The following AGBL1 variants were observed in gnomAD, a reference collection of about 807,000 sequenced individuals.
The protein encoded by AGBL1 is cytosolic carboxypeptidase 4.
Under a neutral mutation model 118.9 loss-of-function variants are expected in AGBL1, and 130 were observed. The ratio of observed to expected loss-of-function variants is 1.09; its 90% CI spans 0.95 to 1.26. The LOEUF (loss-of-function observed/expected upper bound fraction) is 1.26. Among genes scored for constraint, AGBL1 ranks in the 50% most tolerant of loss-of-function variants. The pLI, the probability that AGBL1 is intolerant of heterozygous loss-of-function variation, is 0.00. For missense variants in AGBL1, 1,584 were observed against 1,298.1 expected (o/e 1.22, Z -3.38); for synonymous variants, 555 against 478.9 (o/e 1.16, Z -2.08).
intron 21 of AGBL1, chr15:86,556,321 A>T: frequency 1.3e-6 from 2 of 1,568,534 alleles, no homozygotes; most frequent in South Asian, 1.1e-5. Flanking sequence ...AAATTTTCCA[A>T]ATGGCTTTTG....
chr15:86,749,682 C>T (rs1023944002), intron 22 of AGBL1, among the ~76,000 whole-genome samples: 1 of 151,956 alleles, frequency 6.6e-6, no homozygotes, highest in Non-Finnish European at 1.5e-5. Context: ...TGAGATACAT[C>T]CATCAATACC....
At chr15:86,366,106 GT>G (rs1478429890) in intron 17 of AGBL1, among the ~76,000 whole-genome samples, 2 of 152,038 alleles carry the variant, frequency 1.3e-5, no homozygotes, top group East Asian at 1.9e-4. Flanking sequence ...TATTAAATGT[GT>G]TTTTTTCTGG....
chr15:86,889,324 T>G (rs1434192603), intron 22 of AGBL1, among the ~76,000 whole-genome samples: 3 of 134,460 alleles, frequency 2.2e-5, no homozygotes, highest in African/African-American at 8.4e-5. Flanking sequence ...TCTATATTTC[T>G]TTCCAGATGC....
chr15:86,749,040 T>C (rs2077804680), intron 22 of AGBL1, among the ~76,000 whole-genome samples: 1 of 152,212 alleles, frequency 6.6e-6, no homozygotes, highest in African/African-American at 2.4e-5. Flanking sequence ...TTTCCAATTC[T>C]GTGAAGAAAG....
At chr15:86,419,590 G>A (rs1304114233) in intron 18 of AGBL1, among the ~76,000 whole-genome samples, 1 of 151,738 alleles carries the variant, frequency 6.6e-6, no homozygotes, top group Non-Finnish European at 1.5e-5. Flanking sequence ...TACCAAAGTG[G>A]TGCAGGAATG....
At chr15:86,390,326 C>G (rs1019346638) in intron 17 of AGBL1, among the ~76,000 whole-genome samples, 1 of 152,262 alleles carries the variant, frequency 6.6e-6, no homozygotes, top group Admixed American at 6.5e-5. Context: ...CTCAATAATT[C>G]ATGGAACAAG....
At position 86,910,960 on chromosome 15, in the gene AGBL1, A is replaced by G. The variant is rs1273196232; in HGVS notation, c.*3666A>G. The stretch of plus-strand genomic sequence containing the variant: ...ACTTACTTGAGAGTTAACTCTCAAT[A>G]GTTATAAGAGCCATTCTTCCAGTCA... On this transcript the variant is annotated 3_prime_UTR_variant, in exon 23 of 23. Coordinates refer to ENST00000614907, the MANE Select transcript of AGBL1 (RefSeq NM_001386094.1). 2 of 152,216 alleles carry G rather than the reference A, an allele frequency of 1.3e-5. No individual in the cohort carries two copies. The highest frequency in any genetic ancestry group is 2.9e-5 in the Non-Finnish European group (2 of 68,056). The allele number at this position is 152,216 out of a possible 1,614,324, so 9.4% of individuals were successfully genotyped here. A position where few individuals can be genotyped will look rare whatever the true frequency, so the allele number is the denominator to read the frequency against.
At chr15:86,521,004 A>T (rs2142197442) in intron 18 of AGBL1, among the ~76,000 whole-genome samples, 1 of 152,330 alleles carries the variant, frequency 6.6e-6, no homozygotes, top group African/African-American at 2.4e-5. Flanking sequence ...GCTATTAAAA[A>T]CAGAAAGGGA....
chr15:86,516,502 GA>G (rs1483515479), intron 18 of AGBL1, among the ~76,000 whole-genome samples: 1 of 152,130 alleles, frequency 6.6e-6, no homozygotes, highest in Non-Finnish European at 1.5e-5. Flanking sequence ...GTGTTGTGTA[GA>G]AATGTGAATT....
chr15:86,907,271 C>T lies in AGBL1; in HGVS notation c.3343C>T (p.Gln1115Ter), dbSNP rs78205732. ...EGEEEEEAPG[Q>*]GGEAIP ...AGAGGAAGAAGAGGAGGCACCAGGG[C>T]AGGGAGGAGAAGCCATCCCATAGCC... The change falls in exon 23 of 23, where the codon CAG (glutamine) becomes TAG (stop). Residue 1115 changes from glutamine (Q) to a stop codon, truncating the protein, a stop_gained. Coordinates refer to ENST00000614907, the MANE Select transcript of AGBL1 (RefSeq NM_001386094.1). LOFTEE classifies it high-confidence loss of function. The T allele has an allele frequency of 9.4e-3, 1,432 of 152,460 alleles. 4 individuals are homozygous for T. The highest frequency in any genetic ancestry group is 0.016 in the Non-Finnish European group (1,098 of 68,212). 9.4% of individuals were successfully genotyped at this position (152,460 alleles called of 1,614,324 possible). A position where few individuals can be genotyped will look rare whatever the true frequency, so the allele number is the denominator to read the frequency against.
chr15:86,371,709 G>C (rs938577758), intron 17 of AGBL1, among the ~76,000 whole-genome samples: 2 of 152,166 alleles, frequency 1.3e-5, no homozygotes, highest in African/African-American at 4.8e-5. Flanking sequence ...GTGCAGAAAT[G>C]TGTTATCTTT....
chr15:86,274,208 G>A (rs1435980730), intron 15 of AGBL1, among the ~76,000 whole-genome samples: 3 of 151,622 alleles, frequency 2.0e-5, no homozygotes, highest in African/African-American at 7.3e-5. Flanking sequence ...TATAGCTTAG[G>A]GCACACTAGA....
At chr15:86,293,154 C>T (rs764279458) in intron 16 of AGBL1, among the ~76,000 whole-genome samples, 5 of 152,140 alleles carry the variant, frequency 3.3e-5, no homozygotes, top group Non-Finnish European at 7.4e-5. Flanking sequence ...TTTGTACTTA[C>T]TTTAGGACAT....
At chr15:86,187,896 C>G (rs1171480478) in intron 5 of AGBL1, among the ~76,000 whole-genome samples, 2 of 152,170 alleles carry the variant, frequency 1.3e-5, no homozygotes, top group African/African-American at 2.4e-5. Context: ...TATTTCCCTG[C>G]AACCTCAGGC....
rs952437604 is a variant in AGBL1, at chr15:86,308,454, C to T, written c.2374+13046C>T. Among the ~76,000 whole-genome samples the T allele has an allele frequency of 2.6e-5, 4 of 152,304 alleles. No individual in the cohort carries two copies. The East Asian group carries it at 5.8e-4, about 22-fold the overall frequency. On this transcript the variant is annotated intron_variant, in intron 17 of 22. Transcript: ENST00000614907. ...CCTCTTCAGAACCTGACCTTGTTGGCACTCTGCTATCAGACTTCCAGCCTC... is the reference window on the plus strand; with the variant it reads ...CCTCTTCAGAACCTGACCTTGTTGGTACTCTGCTATCAGACTTCCAGCCTC...
At chr15:86,561,565 T>G (rs964437723) in intron 21 of AGBL1, among the ~76,000 whole-genome samples, 2 of 152,192 alleles carry the variant, frequency 1.3e-5, no homozygotes, top group African/African-American at 4.8e-5. Context: ...AGCCTTGTAG[T>G]ATAGTTTGAA....
intron 17 of AGBL1, among the ~76,000 whole-genome samples, chr15:86,345,613 G>C (rs774686125): frequency 1.3e-5 from 2 of 152,188 alleles, no homozygotes; most frequent in African/African-American, 2.4e-5. Flanking sequence ...CAGGGGAAAG[G>C]CAGGTATAGG....
chr15:86,124,416 T>G (rs1898290931), intron 1 of AGBL1, among the ~76,000 whole-genome samples: 1 of 152,072 alleles, frequency 6.6e-6, no homozygotes, highest in Admixed American at 6.5e-5. Context: ...AATGTCAGTT[T>G]TTTAGTTTTG....
chr15:86,812,017 T>G (rs2078797172), intron 22 of AGBL1, among the ~76,000 whole-genome samples: 1 of 152,242 alleles, frequency 6.6e-6, no homozygotes, highest in Non-Finnish European at 1.5e-5. Context: ...AAGAACGCAC[T>G]TTGTAAACTT....
Sources: gnomAD v4.1 joint callset for allele counts (sites outside exome capture counted in the v4.1 genomes callset) on GRCh38, gnomAD v4.1.1 for gene constraint, MANE v1.5 for transcripts, NCBI Gene and HGNC (gene_info 2026-07-23, HGNC 2026-07-21) for gene names.